Variants in EEA1 observed in about 807,000 individuals in gnomAD.
EEA1 encodes early endosome antigen 1.
EEA1 carries 111 observed loss-of-function variants against 209.2 expected under a neutral mutation model. That is an observed-to-expected ratio of 0.53 (90% CI 0.45 to 0.62). EEA1 has a LOEUF of 0.62. Among genes scored for constraint, EEA1 ranks in the 20% least tolerant of loss-of-function variants. The probability of loss-of-function intolerance (pLI) is 0.00; values close to 1 mark genes in which losing one functional copy is unlikely to be tolerated. For synonymous variants in EEA1, 536 were observed against 540.6 expected (o/e 0.99, Z 0.12); for missense variants, 1,343 against 1,530.8 (o/e 0.88, Z 2.05).
intron 1 of EEA1, among the ~76,000 whole-genome samples, chr12:92,926,061 T>C (rs1881201922): frequency 6.6e-6 from 1 of 150,950 alleles, no homozygotes; most frequent in African/African-American, 2.4e-5. Context: ...TGGAGCAATC[T>C]CAGCTCACTG....
intron 11 of EEA1, among the ~76,000 whole-genome samples, chr12:92,829,778 TAAAAA>T (rs1270792347): frequency 1.4e-5 from 1 of 71,250 alleles, no homozygotes; most frequent in Non-Finnish European, 2.7e-5. Flanking sequence ...AACTCTGTCT[TAAAAA>T]AAAAAAAAAA....
At chr12:92,835,533 T>C (rs1876889810) in intron 10 of EEA1, 1 of 209,300 alleles carries the variant, frequency 4.8e-6, no homozygotes. Flanking sequence ...TGCCTCAGCC[T>C]CCCAAGTAGC....
At chr12:92,804,558 TGA>T (rs1875095904) in intron 18 of EEA1, among the ~76,000 whole-genome samples, 1 of 117,302 alleles carries the variant, frequency 8.5e-6, no homozygotes, top group Non-Finnish European at 1.6e-5. Context: ...GGCGACAGAG[TGA>T]GACTCTGTCT....
At chr12:92,885,563 A>G (rs1480023457) in intron 2 of EEA1, among the ~76,000 whole-genome samples, 1 of 152,224 alleles carries the variant, frequency 6.6e-6, no homozygotes, top group Non-Finnish European at 1.5e-5. Flanking sequence ...AATGTATGCT[A>G]TTGTATAATC....
intron 17 of EEA1, among the ~76,000 whole-genome samples, chr12:92,810,738 C>G (rs1305397371): frequency 6.6e-6 from 1 of 151,884 alleles, no homozygotes; most frequent in East Asian, 1.9e-4. Flanking sequence ...CAGGTCAAAT[C>G]CTTCTGAGAT....
chr12:92,844,967 T>C (rs1877329535), intron 9 of EEA1, among the ~76,000 whole-genome samples: 2 of 152,124 alleles, frequency 1.3e-5, no homozygotes, highest in South Asian at 2.1e-4. Context: ...AGAATAAGAA[T>C]AGAATTTTCC....
chr12:92,840,272 T>C (rs1877111017), intron 10 of EEA1, among the ~76,000 whole-genome samples: 1 of 152,146 alleles, frequency 6.6e-6, no homozygotes, highest in Admixed American at 6.5e-5. Context: ...GGAAAAAGTA[T>C]TAATATTAGT....
In EEA1 at chr12:92,929,232, A is replaced by C; in HGVS notation, c.-166T>G. On this transcript the variant is annotated 5_prime_UTR_variant, in exon 1 of 29. Transcript: ENST00000322349. ...GCTCGGGCGGCCCCGACTTCCCCACAGGCGGCGAGAGGGAGCACGCGAGAG... is the reference window on the plus strand; with the variant it reads ...GCTCGGGCGGCCCCGACTTCCCCACCGGCGGCGAGAGGGAGCACGCGAGAG... 9.0e-6 allele frequency: 4 copies of C among 446,618 alleles called. No homozygotes were observed. The highest frequency in any genetic ancestry group is 2.2e-5 in the African/African-American group (1 of 45,706). 27.7% of individuals were successfully genotyped at this position (446,618 alleles called of 1,614,324 possible).
At position 92,924,840 on chromosome 12, in the gene EEA1, TAAAAA is replaced by T. The variant is rs58741191; in HGVS notation, c.24+4198_24+4202del. Among the ~76,000 whole-genome samples, 202 of 74,510 alleles carry T rather than the reference TAAAAA, an allele frequency of 2.7e-3. 2 individuals carry two copies. The highest frequency in any genetic ancestry group is 9.5e-3 in the African/African-American group (181 of 18,998). 48.9% of individuals were successfully genotyped at this position (74,510 alleles called of 152,430 possible). On this transcript the variant is annotated intron_variant, in intron 1 of 28. Transcript: ENST00000322349. The stretch of plus-strand genomic sequence containing the variant: ...AATCTCTTCTTTATTCCTAACATGC[TAAAAA>T]AAAAAAAAAAAAAAAAAAAAACTAC...
chr12:92,838,083 T>C (rs1001342694), intron 10 of EEA1, among the ~76,000 whole-genome samples: 1 of 152,256 alleles, frequency 6.6e-6, no homozygotes, highest in Non-Finnish European at 1.5e-5. Flanking sequence ...GTTAAATTTA[T>C]GTAAGGCATT....
chr12:92,871,174 TA>T (rs1325730343), intron 2 of EEA1, among the ~76,000 whole-genome samples: 1 of 152,248 alleles, frequency 6.6e-6, no homozygotes, highest in Middle Eastern at 3.2e-3. Context: ...AATATTAACT[TA>T]AATTTCTGTA....
Position 92,832,584 on chromosome 12 carries a change from C to T in EEA1, c.1182G>A (p.Glu394=), listed in dbSNP as rs1876705736. 1 of 1,614,050 alleles carries T rather than the reference C, an allele frequency of 6.2e-7. No homozygotes were observed. Among genetic ancestry groups the T allele is most frequent in the African/African-American group, 1.3e-5 (1 of 75,028 alleles). The change falls in exon 11 of 29, where the codon GAG becomes GAA. Residue 394 remains glutamate (E), a synonymous_variant. Coordinates refer to ENST00000322349, the MANE Select transcript of EEA1 (RefSeq NM_003566.4). ...CTCTCTGTTGTTGTAGCTGCTTAAA[C>T]TCCGCCTTTAGATGCTGGTACTTGG... The part of the protein sequence containing the change: ...VETKYQHLKA[E]FKQLQQQREE...
In EEA1 at chr12:92,850,657, T is replaced by C. The variant is rs189387727; in HGVS notation, c.798+454A>G. On this transcript the variant is annotated intron_variant, in intron 9 of 28. Transcript: ENST00000322349. ...GTGAGCTGAGATCACGCCACTGCAC[T>C]CCAGCCTGGGTGACAGAGCAAGACT... Among the ~76,000 whole-genome samples the C allele has an allele frequency of 7.6e-3, 851 of 111,624 alleles. 10 individuals are homozygous for C. Among genetic ancestry groups the C allele is most frequent in the African/African-American group, 0.028 (804 of 28,470 alleles). The allele number at this position is 111,624 out of a possible 152,430, so 73.2% of individuals were successfully genotyped here. A position where few individuals can be genotyped will look rare whatever the true frequency, so the allele number is the denominator to read the frequency against.
chr12:92,777,454 C>A, intron 27 of EEA1, 89 bp downstream of exon 27: 1 of 1,368,382 alleles, frequency 7.3e-7, no homozygotes, highest in Non-Finnish European at 9.9e-7. Flanking sequence ...ATTTATAAAA[C>A]ATGAGATTTT....
intron 10 of EEA1, among the ~76,000 whole-genome samples, chr12:92,837,643 T>C (rs1592729380): frequency 6.6e-6 from 1 of 152,374 alleles, no homozygotes; most frequent in East Asian, 1.9e-4. Flanking sequence ...GTTATTTTTG[T>C]TAAAAACTAG....
intron 13 of EEA1, among the ~76,000 whole-genome samples, chr12:92,820,677 G>C (rs970762812): frequency 6.6e-6 from 1 of 151,880 alleles, no homozygotes; most frequent in African/African-American, 2.4e-5. Context: ...CAGGTTGATG[G>C]ATGCAGAAAA....
intron 1 of EEA1, among the ~76,000 whole-genome samples, chr12:92,915,442 C>T (rs1258678431): frequency 6.6e-6 from 1 of 152,216 alleles, no homozygotes; most frequent in East Asian, 1.9e-4. Flanking sequence ...TGCACTCTAG[C>T]CTGGACAACA....
At chr12:92,830,501 T>A (rs970565297) in intron 11 of EEA1, among the ~76,000 whole-genome samples, 58 of 152,012 alleles carry the variant, frequency 3.8e-4, no homozygotes, top group African/African-American at 1.4e-3. Flanking sequence ...AGGAGCATGA[T>A]CTTGTTCCCT....
At chr12:92,828,183 C>G in intron 11 of EEA1, 122 bp from the exon 12 acceptor site, 1 of 744,352 alleles carries the variant, frequency 1.3e-6, no homozygotes, top group Non-Finnish European at 1.9e-6. Context: ...TTTCGTGATA[C>G]TTTGGGGAAA....
Sources: gnomAD v4.1 joint callset for allele counts (sites outside exome capture counted in the v4.1 genomes callset) on GRCh38, gnomAD v4.1.1 for gene constraint, MANE v1.5 for transcripts, NCBI Gene and HGNC (gene_info 2026-07-23, HGNC 2026-07-21) for gene names.